Variants in OR14A2 observed in about 807,000 individuals in gnomAD.
The protein encoded by OR14A2 is olfactory receptor 14A2.
For synonymous variants in OR14A2, 114 were observed against 58.6 expected, an observed-to-expected ratio of 1.95 and a Z score of -4.32; for missense variants, 237 against 152.9, an observed-to-expected ratio of 1.55 and a Z score of -2.90.
At chr1:247,741,304 C>T in the OR14A2 span, among the ~76,000 whole-genome samples, 1 of 152,168 alleles carries the variant, frequency 6.6e-6, no homozygotes, top group South Asian at 2.1e-4. Flanking sequence ...TGCATAAACT[C>T]TTTGATTTAC....
chr1:247,723,514 C>A (rs1283170765), exon 1 of OR14A2: 1 of 717,854 alleles, frequency 1.4e-6, no homozygotes, highest in African/African-American at 1.7e-5. Context: ...AGGAACATCA[C>A]AGAAAAACTG....
chr1:247,737,729 A>G, the OR14A2 span, among the ~76,000 whole-genome samples: 1 of 152,162 alleles, frequency 6.6e-6, no homozygotes. Context: ...TAAAGACAAG[A>G]TGATCTGAGG....
At chr1:247,740,403 C>T in the OR14A2 span, among the ~76,000 whole-genome samples, 1 of 152,112 alleles carries the variant, frequency 6.6e-6, no homozygotes, top group Non-Finnish European at 1.5e-5. Flanking sequence ...TTGCATTTTA[C>T]CTATTTGATT....
chr1:247,732,759 A>G, the OR14A2 span, among the ~76,000 whole-genome samples: 1 of 152,194 alleles, frequency 6.6e-6, no homozygotes, highest in African/African-American at 2.4e-5. Flanking sequence ...AATACTAATC[A>G]TCAGTAAAAA....
chr1:247,728,101 C>G (rs912524495), upstream of OR14A2, among the ~76,000 whole-genome samples: 98 of 149,866 alleles, frequency 6.5e-4, 1 homozygote, highest in African/African-American at 2.4e-3. Flanking sequence ...GATACCAAAG[C>G]CTGGCAGAGA....
chr1:247,723,151 G>A (rs1375846489), exon 1 of OR14A2: 2 of 717,430 alleles, frequency 2.8e-6, no homozygotes, highest in Non-Finnish European at 5.2e-6. Context: ...CCTTATCAGA[G>A]CACATTTCAT....
At chr1:247,727,140 C>T (rs1269871102), upstream of OR14A2, among the ~76,000 whole-genome samples, 8 of 149,602 alleles carry the variant, frequency 5.3e-5, no homozygotes, top group East Asian at 2.0e-4. Flanking sequence ...GCCATTTTCA[C>T]GATATTGATT....
At chr1:247,727,623 T>C (rs1047471143), upstream of OR14A2, among the ~76,000 whole-genome samples, 480 of 148,316 alleles carry the variant, frequency 3.2e-3, 4 homozygotes, top group African/African-American at 0.012. Flanking sequence ...AAAAAATTAA[T>C]GAATCCAGGA....
chr1:247,727,093 G>T (rs1660391462), upstream of OR14A2, among the ~76,000 whole-genome samples: 1 of 150,752 alleles, frequency 6.6e-6, no homozygotes, highest in African/African-American at 2.5e-5. Context: ...GCTTGATGGG[G>T]ATGGCATTGA....
the OR14A2 span, among the ~76,000 whole-genome samples, chr1:247,741,995 AAATTGAAATAGT>A: frequency 1.3e-5 from 2 of 152,228 alleles, no homozygotes. Flanking sequence ...AGATGAAAGT[AAATTGAAATAGT>A]ACTTCTATTT....
the OR14A2 span, chr1:247,739,531 T>A: frequency 1.3e-6 from 1 of 779,610 alleles, no homozygotes; most frequent in Non-Finnish European, 2.4e-6. Context: ...CTGTGGAATG[T>A]TAGAAGCAGT....
chr1:247,747,990 G>T, the OR14A2 span, among the ~76,000 whole-genome samples: 1 of 152,132 alleles, frequency 6.6e-6, no homozygotes, highest in Non-Finnish European at 1.5e-5. Flanking sequence ...CCAGGTACCA[G>T]GCTAATTTTT....
chr1:247,727,516 G>A (rs1660404566), upstream of OR14A2, among the ~76,000 whole-genome samples: 1 of 151,854 alleles, frequency 6.6e-6, no homozygotes, highest in African/African-American at 2.4e-5. Context: ...AAAAGAACTA[G>A]AAAAGCAAGA....
At chr1:247,735,392 G>T in the OR14A2 span, among the ~76,000 whole-genome samples, 1 of 152,166 alleles carries the variant, frequency 6.6e-6, no homozygotes, top group Non-Finnish European at 1.5e-5. Context: ...ACATGCAAAT[G>T]AATGTCTAGG....
At chr1:247,738,521 CT>C in the OR14A2 span, 2 of 647,086 alleles carry the variant, frequency 3.1e-6, no homozygotes, top group Non-Finnish European at 5.6e-6. Flanking sequence ...CTACACATAC[CT>C]TCATTCAACA....
At chr1:247,729,680 A>G in the OR14A2 span, among the ~76,000 whole-genome samples, 1 of 151,976 alleles carries the variant, frequency 6.6e-6, no homozygotes, top group Non-Finnish European at 1.5e-5. Flanking sequence ...ACTTTTGTTG[A>G]CAGTTTTTAT....
the OR14A2 span, among the ~76,000 whole-genome samples, chr1:247,747,609 G>A: frequency 6.6e-6 from 1 of 152,004 alleles, no homozygotes; most frequent in African/African-American, 2.4e-5. Flanking sequence ...TGATCCGCCC[G>A]CCTCGGCCTC....
the OR14A2 span, among the ~76,000 whole-genome samples, chr1:247,744,503 C>G: frequency 6.6e-6 from 1 of 152,018 alleles, no homozygotes; most frequent in African/African-American, 2.4e-5. The surrounding 1 kb of genome is among the most constrained non-coding windows in gnomAD (Gnocchi z 4.3). Flanking sequence ...TGGTTAGGGT[C>G]GAATTCTCTG....
chr1:247,737,081 G>C, the OR14A2 span, among the ~76,000 whole-genome samples: 4 of 152,164 alleles, frequency 2.6e-5, no homozygotes, highest in Admixed American at 2.6e-4. Context: ...ACCGGCATGA[G>C]CCACCATGCC....
Sources: allele counts gnomAD v4.1 joint callset (sites outside exome capture counted in the v4.1 genomes callset), GRCh38; gene constraint gnomAD v4.1.1; non-coding constraint Gnocchi (gnomAD v3.1); transcripts MANE v1.5; gene names NCBI Gene and HGNC (gene_info 2026-07-23, HGNC 2026-07-21).